Variants in SMAP2 observed in about 807,000 individuals in gnomAD.
The protein encoded by SMAP2 is small ArfGAP2, also known as stromal membrane-associated protein 2.
In SMAP2, 25 loss-of-function variants were observed where a neutral mutation model predicts 56.4. The ratio of observed to expected loss-of-function variants is 0.44; its 90% CI spans 0.32 to 0.62. The LOEUF (loss-of-function observed/expected upper bound fraction) is 0.62, where lower values mean the gene tolerates loss of function less well. SMAP2 is among the 20% of genes least tolerant of loss of function. SMAP2 has a pLI of 0.04. For missense variants in SMAP2, 388 were observed against 545.6 expected, an observed-to-expected ratio of 0.71 and a Z score of 2.88; for synonymous variants, 157 against 181.7, an observed-to-expected ratio of 0.86 and a Z score of 1.09.
upstream of SMAP2, among the ~76,000 whole-genome samples, chr1:40,372,393 T>C (rs112055): frequency 0.37 from 56,884 of 151,936 alleles, 11,029 homozygotes; most frequent in Non-Finnish European, 0.43. Flanking sequence ...GCTCTGGCTC[T>C]GGCATCCTGA....
upstream of SMAP2, among the ~76,000 whole-genome samples, chr1:40,373,420 G>C (rs1366119314): frequency 6.6e-6 from 1 of 152,228 alleles, no homozygotes; most frequent in Non-Finnish European, 1.5e-5. Flanking sequence ...TTCATGCAAA[G>C]CGCTTAACAC....
At chr1:40,388,731 C>T (rs1048977255) in intron 1 of SMAP2, among the ~76,000 whole-genome samples, 1 of 152,288 alleles carries the variant, frequency 6.6e-6, no homozygotes, top group African/African-American at 2.4e-5. Context: ...CTGCCCGAGC[C>T]AGCAGTGGCA....
At chr1:40,388,286 G>C (rs1242195497) in intron 1 of SMAP2, among the ~76,000 whole-genome samples, 3 of 152,264 alleles carry the variant, frequency 2.0e-5, no homozygotes, top group Non-Finnish European at 4.4e-5. Context: ...CCCAGTGCGA[G>C]ATCCACTGGA....
intron 1 of SMAP2, among the ~76,000 whole-genome samples, chr1:40,348,856 C>T (rs7522271): frequency 0.66 from 100,907 of 151,796 alleles, 33,886 homozygotes; most frequent in East Asian, 0.92. Flanking sequence ...CTGCAACCTC[C>T]GCTCCCCAGA....
At chr1:40,364,509 A>G (rs769710896) in intron 2 of SMAP2, among the ~76,000 whole-genome samples, 11 of 152,210 alleles carry the variant, frequency 7.2e-5, no homozygotes, top group Non-Finnish European at 1.3e-4. Flanking sequence ...TTGGGAGGCC[A>G]AGGCAGGAGG....
chr1:40,348,367 G>A (rs1300626567), intron 1 of SMAP2, among the ~76,000 whole-genome samples: 1 of 152,030 alleles, frequency 6.6e-6, no homozygotes, highest in East Asian at 1.9e-4. Context: ...CCAGCCCAGG[G>A]AGTATTAAAA....
At chr1:40,359,233 G>T (rs1388185680) in intron 1 of SMAP2, among the ~76,000 whole-genome samples, 3 of 152,168 alleles carry the variant, frequency 2.0e-5, no homozygotes, top group Non-Finnish European at 4.4e-5. Flanking sequence ...CTCCCAAGTA[G>T]CTGGAACTAC....
intron 1 of SMAP2, among the ~76,000 whole-genome samples, chr1:40,362,030 G>C (rs1569824480): frequency 6.6e-6 from 1 of 152,190 alleles, no homozygotes. Context: ...GATGTATCTT[G>C]GGGCGAGCAA....
chr1:40,391,417 G>A (rs1557834774), intron 1 of SMAP2, among the ~76,000 whole-genome samples: 2 of 151,794 alleles, frequency 1.3e-5, no homozygotes, highest in Non-Finnish European at 2.9e-5. Context: ...AGCTGTTAGC[G>A]CAGCAGTCCC....
chr1:40,390,019 A>G (rs453270), intron 1 of SMAP2, among the ~76,000 whole-genome samples: 142,480 of 151,492 alleles, frequency 0.94, 67,138 homozygotes, highest in Middle Eastern at 0.99. Context: ...CCACCCCCTT[A>G]TGCCATATAT....
Position 40,403,624 on chromosome 1 carries a change from A to G in SMAP2, c.104-3112A>G, listed in dbSNP as rs1007052734. On this transcript the variant is annotated intron_variant, in intron 1 of 9. Transcript: ENST00000372718. The stretch of plus-strand genomic sequence containing the variant: ...GATGGATGGGAAGTGGGTTCTGGAA[A>G]CCTTATTCTATACCACATCCTTATA... 4.1e-6 allele frequency: 4 copies of G among 983,670 alleles called. No homozygotes were observed. The African/African-American group carries it at 7.0e-5, about 17-fold the overall frequency. The allele number at this position is 983,670 out of a possible 1,614,324, so 60.9% of individuals were successfully genotyped here.
chr1:40,382,377 A>G (rs1351052404), intron 1 of SMAP2, among the ~76,000 whole-genome samples: 7 of 152,192 alleles, frequency 4.6e-5, no homozygotes, highest in Non-Finnish European at 8.8e-5. Context: ...TGACTTATTA[A>G]ATTGAGTCAG....
At chr1:40,376,957 A>G (rs1027120143) in intron 1 of SMAP2, among the ~76,000 whole-genome samples, 1 of 152,184 alleles carries the variant, frequency 6.6e-6, no homozygotes, top group Admixed American at 6.5e-5. Flanking sequence ...ATTTAGGAAC[A>G]TTTATTAGTT....
intron 4 of SMAP2, 146 bp downstream of exon 4, chr1:40,409,981 C>A: frequency 3.3e-6 from 2 of 600,788 alleles, no homozygotes; most frequent in East Asian, 2.9e-5. Context: ...GGTGGCTCAT[C>A]CCCTAATCCC....
chr1:40,346,074 A>G (rs2124147977), intron 1 of SMAP2, among the ~76,000 whole-genome samples: 1 of 148,046 alleles, frequency 6.8e-6, no homozygotes, highest in South Asian at 2.1e-4. Flanking sequence ...GGCCTTCCAA[A>G]GTGCTGAAAT....
intron 1 of SMAP2, among the ~76,000 whole-genome samples, chr1:40,402,178 A>G (rs918927023): frequency 6.6e-6 from 1 of 152,214 alleles, no homozygotes; most frequent in Non-Finnish European, 1.5e-5. Flanking sequence ...ACCAATGTGT[A>G]TTAAACAATT....
chr1:40,421,338 A>G (rs1305392259), intron 9 of SMAP2, among the ~76,000 whole-genome samples: 4 of 152,138 alleles, frequency 2.6e-5, no homozygotes, highest in East Asian at 1.9e-4. Flanking sequence ...GCTAGGGGCC[A>G]GTCTTTCCAT....
intron 9 of SMAP2, among the ~76,000 whole-genome samples, chr1:40,418,591 A>G (rs1232570323): frequency 6.6e-6 from 1 of 152,228 alleles, no homozygotes; most frequent in African/African-American, 2.4e-5. Context: ...AACATATCCC[A>G]GCAAATCTAC....
At chr1:40,361,794 G>A (rs535406028) in intron 1 of SMAP2, among the ~76,000 whole-genome samples, 58 of 152,278 alleles carry the variant, frequency 3.8e-4, no homozygotes, top group African/African-American at 1.4e-3. Flanking sequence ...TGTGGCTTGG[G>A]TGCCAGCTCA....
Sources: allele counts gnomAD v4.1 joint callset (sites outside exome capture counted in the v4.1 genomes callset), GRCh38; gene constraint gnomAD v4.1.1; transcripts MANE v1.5; gene names NCBI Gene and HGNC (gene_info 2026-07-23, HGNC 2026-07-21).